Variants in SMYD3 observed in about 807,000 individuals in gnomAD.
SMYD3 encodes the protein SET and MYND domain containing 3.
SMYD3 carries 36 observed loss-of-function variants against 57.7 expected under a neutral mutation model. That is an observed-to-expected ratio of 0.62 (90% confidence interval 0.48 to 0.82). The LOEUF is 0.82. Among genes scored for constraint, SMYD3 ranks in the 40% least tolerant of loss-of-function variants. The probability of loss-of-function intolerance (pLI) is 0.00; values close to 1 mark genes in which losing one functional copy is unlikely to be tolerated. For missense variants in SMYD3, 515 were observed against 538.8 expected, an observed-to-expected ratio of 0.96 and a Z score of 0.44; for synonymous variants, 211 against 195.0, an observed-to-expected ratio of 1.08 and a Z score of -0.68.
At chr1:245,973,296 A>C (rs1486106402) in intron 5 of SMYD3, among the ~76,000 whole-genome samples, 2 of 152,256 alleles carry the variant, frequency 1.3e-5, no homozygotes, top group Non-Finnish European at 2.9e-5. Flanking sequence ...TATAGCAGGA[A>C]AGCTTATAGA....
chr1:246,021,567 C>T (rs1394697828), intron 5 of SMYD3, among the ~76,000 whole-genome samples: 1 of 152,116 alleles, frequency 6.6e-6, no homozygotes, highest in Non-Finnish European at 1.5e-5. Flanking sequence ...ATTGGTCATG[C>T]AGATTTGTGG....
chr1:246,099,055 TAG>T (rs1307624360), intron 5 of SMYD3, among the ~76,000 whole-genome samples: 1 of 152,226 alleles, frequency 6.6e-6, no homozygotes, highest in Non-Finnish European at 1.5e-5. Context: ...TAAATAATGC[TAG>T]AGACCTACAA....
chr1:245,984,861 A>G (rs1392338792), intron 5 of SMYD3, among the ~76,000 whole-genome samples: 1 of 152,144 alleles, frequency 6.6e-6, no homozygotes, highest in Non-Finnish European at 1.5e-5. Flanking sequence ...TTCTGTACAC[A>G]TGTAGGTTCT....
At position 245,927,871 on chromosome 1, in the gene SMYD3, C is replaced by T. The variant is rs879597324; in HGVS notation, c.702+60G>A. On this transcript the variant is annotated intron_variant, in intron 7 of 11. Transcript: ENST00000490107. ...GGCACAATCAGTTTTAGGGACGGGC[C>T]GAGCTGAGAGGGTCTTTGATAGGAA... 6.8e-5 allele frequency: 93 copies of T among 1,377,446 alleles called. 2 individuals are homozygous for T. The highest frequency in any genetic ancestry group is 8.5e-5 in the Non-Finnish European group (84 of 984,310). 85.3% of individuals were successfully genotyped at this position (1,377,446 alleles called of 1,614,324 possible).
chr1:246,442,006 T>C (rs2067478094), intron 1 of SMYD3, among the ~76,000 whole-genome samples: 1 of 152,256 alleles, frequency 6.6e-6, no homozygotes, highest in South Asian at 2.1e-4. Context: ...TGGAAGGCAC[T>C]GAAGAATCAC....
At chr1:246,323,149 C>A (rs1264785677) in intron 5 of SMYD3, among the ~76,000 whole-genome samples, 1 of 152,200 alleles carries the variant, frequency 6.6e-6, no homozygotes. Context: ...AAAAATTCCT[C>A]CTTCCTATGG....
At chr1:246,250,990 G>A (rs1009975434) in intron 5 of SMYD3, among the ~76,000 whole-genome samples, 1 of 152,160 alleles carries the variant, frequency 6.6e-6, no homozygotes, top group African/African-American at 2.4e-5. Flanking sequence ...CATAGTAGGT[G>A]TATATATTTA....
intron 5 of SMYD3, among the ~76,000 whole-genome samples, chr1:245,937,081 T>C (rs1344890557): frequency 1.3e-5 from 2 of 152,192 alleles, no homozygotes; most frequent in Admixed American, 6.5e-5. Context: ...ATTTGGGAAT[T>C]TGTCTTTCTA....
At chr1:245,950,412 CTGAG>C (rs1259821661) in intron 5 of SMYD3, among the ~76,000 whole-genome samples, 1 of 152,134 alleles carries the variant, frequency 6.6e-6, no homozygotes, top group Non-Finnish European at 1.5e-5. Context: ...ACAAACAGGA[CTGAG>C]TATTTTTTTC....
In SMYD3 at chr1:246,127,929, C is replaced by T. The variant is rs190001810; in HGVS notation, c.532-197992G>A. Among the ~76,000 whole-genome samples, 442 of 119,548 alleles carry T rather than the reference C, an allele frequency of 3.7e-3. 1 individual carries two copies. The highest frequency in any genetic ancestry group is 0.012 in the African/African-American group (418 of 34,548). The allele number at this position is 119,548 out of a possible 152,430, so 78.4% of individuals were successfully genotyped here. Reference sequence around the variant, plus strand: ...AAGAAAAGAAAAGAAAAGAAAAATACGAAAAGGAGAGGAGATTATATAGCT... The same window carrying T: ...AAGAAAAGAAAAGAAAAGAAAAATATGAAAAGGAGAGGAGATTATATAGCT... On this transcript the variant is annotated intron_variant, in intron 5 of 11. Transcript: ENST00000490107.
intron 1 of SMYD3, among the ~76,000 whole-genome samples, chr1:246,493,863 T>C (rs12038711): frequency 0.012 from 625 of 50,080 alleles, 20 homozygotes; most frequent in East Asian, 0.033. Flanking sequence ...CCAATAGTTC[T>C]AGCTCAAAAC....
chr1:246,139,595 C>A (rs1181886150), intron 5 of SMYD3, among the ~76,000 whole-genome samples: 1 of 152,128 alleles, frequency 6.6e-6, no homozygotes, highest in Non-Finnish European at 1.5e-5. Context: ...GAGTTTGAAA[C>A]ACATTTCTTT....
intron 9 of SMYD3, among the ~76,000 whole-genome samples, chr1:245,861,224 T>G (rs998032567): frequency 3.3e-5 from 5 of 152,266 alleles, no homozygotes; most frequent in Admixed American, 6.5e-5. Context: ...CTCAAAGATT[T>G]AGTCCCTGGC....
At chr1:245,909,035 T>C (rs1478973345) in intron 8 of SMYD3, among the ~76,000 whole-genome samples, 1 of 152,002 alleles carries the variant, frequency 6.6e-6, no homozygotes, top group East Asian at 1.9e-4. Context: ...AAAAGTTTTT[T>C]GAAAAGATAA....
At position 246,390,710 on chromosome 1, in the gene SMYD3, T is replaced by A. The variant is rs142188854; in HGVS notation, c.165-35616A>T. On this transcript the variant is annotated intron_variant, in intron 1 of 11. Coordinates refer to ENST00000490107, the MANE Select transcript of SMYD3 (RefSeq NM_001167740.2). ...ATATAATCAATACAAAAATTATGAATATTTTACATTCCCTATTAAGTCATT... is the reference window on the plus strand; with the variant it reads ...ATATAATCAATACAAAAATTATGAAAATTTTACATTCCCTATTAAGTCATT... Among the ~76,000 whole-genome samples the A allele has an allele frequency of 7.2e-5, 11 of 152,346 alleles. No homozygotes were observed. The East Asian group carries it at 1.2e-3, about 16-fold the overall frequency.
chr1:245,981,125 C>T (rs1014553960), intron 5 of SMYD3, among the ~76,000 whole-genome samples: 3 of 152,210 alleles, frequency 2.0e-5, no homozygotes, highest in African/African-American at 7.2e-5. Context: ...TGGGTCAGAC[C>T]TATCTAGACG....
At chr1:245,905,297 A>G (rs2054485587) in intron 8 of SMYD3, among the ~76,000 whole-genome samples, 1 of 152,050 alleles carries the variant, frequency 6.6e-6, no homozygotes, top group Non-Finnish European at 1.5e-5. Flanking sequence ...CCCTGACTCC[A>G]AGACTTGAGT....
chr1:246,078,020 C>A (rs2060576332), intron 5 of SMYD3, among the ~76,000 whole-genome samples: 1 of 151,738 alleles, frequency 6.6e-6, no homozygotes, highest in Non-Finnish European at 1.5e-5. Flanking sequence ...TTTAAAGTGC[C>A]TTTCATAAAA....
At chr1:246,447,728 T>G (rs993597440) in intron 1 of SMYD3, among the ~76,000 whole-genome samples, 2 of 152,158 alleles carry the variant, frequency 1.3e-5, no homozygotes, top group African/African-American at 2.4e-5. Flanking sequence ...TTCTACACCT[T>G]CTCCCAGTTA....
Sources: allele counts gnomAD v4.1 joint callset (sites outside exome capture counted in the v4.1 genomes callset), GRCh38; gene constraint gnomAD v4.1.1; transcripts MANE v1.5; gene names NCBI Gene and HGNC (gene_info 2026-07-23, HGNC 2026-07-21).